The following UBE3C variants were observed in gnomAD, a reference collection of about 807,000 sequenced individuals.
UBE3C encodes ubiquitin protein ligase E3C.
A neutral mutation model predicts 129.4 loss-of-function variants in UBE3C; 42 were observed. That is an observed-to-expected ratio of 0.32 (90% confidence interval 0.25 to 0.42). The LOEUF (loss-of-function observed/expected upper bound fraction) is 0.42, where lower values mean the gene tolerates loss of function less well. Ranked by LOEUF, UBE3C falls within the 10% of genes least tolerant of loss-of-function variation. The pLI is 1.00. For synonymous variants in UBE3C, 510 were observed against 492.4 expected, an observed-to-expected ratio of 1.04 and a Z score of -0.47; for missense variants, 1,049 against 1,319.1, an observed-to-expected ratio of 0.80 and a Z score of 3.17.
intron 13 of UBE3C, among the ~76,000 whole-genome samples, chr7:157,211,151 CATT>C (rs960528452): frequency 1.4e-4 from 16 of 114,756 alleles, no homozygotes; most frequent in African/African-American, 5.8e-4. Context: ...CCCATGCCCT[CATT>C]ATCCATATGT....
intron 4 of UBE3C, among the ~76,000 whole-genome samples, chr7:157,173,572 C>T (rs938437933): frequency 3.9e-5 from 6 of 152,018 alleles, no homozygotes; most frequent in Non-Finnish European, 5.9e-5. Context: ...ATTTTTCTTA[C>T]GACTTTAAGT....
intron 11 of UBE3C, among the ~76,000 whole-genome samples, chr7:157,205,340 T>C (rs760029206): frequency 2.0e-4 from 30 of 152,152 alleles, no homozygotes; most frequent in Admixed American, 8.5e-4. Flanking sequence ...CCTGTCCCTT[T>C]TTTTTTTGGA....
intron 18 of UBE3C, among the ~76,000 whole-genome samples, chr7:157,235,506 C>A (rs1262872845): frequency 6.6e-6 from 1 of 152,154 alleles, no homozygotes; most frequent in Non-Finnish European, 1.5e-5. Flanking sequence ...AAACTCATTT[C>A]TCCTCTGTTT....
At chr7:157,177,415 G>A (rs1808548233) in intron 5 of UBE3C, among the ~76,000 whole-genome samples, 1 of 152,192 alleles carries the variant, frequency 6.6e-6, no homozygotes, top group Non-Finnish European at 1.5e-5. Context: ...TACATCCTAT[G>A]TTGTCTCTCA....
intron 18 of UBE3C, among the ~76,000 whole-genome samples, chr7:157,236,342 G>T (rs1249699687): frequency 2.0e-5 from 3 of 152,096 alleles, no homozygotes; most frequent in Admixed American, 2.0e-4. Flanking sequence ...ATTTGAAAAT[G>T]GCTTTTTTTC....
At chr7:157,151,035 G>A (rs918311408) in intron 1 of UBE3C, among the ~76,000 whole-genome samples, 11 of 152,220 alleles carry the variant, frequency 7.2e-5, no homozygotes, top group African/African-American at 2.4e-4. Context: ...AAGCTGCTGA[G>A]CAGACAGAGC....
chr7:157,238,049 AAAT>A (rs1351872284), intron 18 of UBE3C, among the ~76,000 whole-genome samples: 1 of 152,202 alleles, frequency 6.6e-6, no homozygotes, highest in African/African-American at 2.4e-5. Flanking sequence ...CCCTGTCTCA[AAAT>A]AATAATAAAA....
intron 1 of UBE3C, among the ~76,000 whole-genome samples, chr7:157,147,824 A>G (rs1807648687): frequency 6.6e-6 from 1 of 152,102 alleles, no homozygotes; most frequent in Non-Finnish European, 1.5e-5. Context: ...CAGCTTGTGG[A>G]TATGATGGAT....
rs1230112438 is a variant in UBE3C at position 157,138,952 on chromosome 7, T to C, written c.-321T>C. 1 of 151,932 alleles carries C rather than the reference T, an allele frequency of 6.6e-6. No homozygotes were observed. Among genetic ancestry groups the C allele is most frequent in the Non-Finnish European group, 1.5e-5 (1 of 68,088 alleles). The allele number at this position is 151,932 out of a possible 1,614,324, so 9.4% of individuals were successfully genotyped here. Reference sequence around the variant, plus strand: ...CACGCACTGACGGCTGACCGCCATCTTCCCTCCCGAGGCGGCAGTTCCAGG... The same window carrying C: ...CACGCACTGACGGCTGACCGCCATCCTCCCTCCCGAGGCGGCAGTTCCAGG... On this transcript the variant is annotated 5_prime_UTR_variant, in exon 1 of 23. Coordinates refer to ENST00000348165, the MANE Select transcript of UBE3C (RefSeq NM_014671.3).
chr7:157,193,004 G>A (rs1028554124), intron 10 of UBE3C, among the ~76,000 whole-genome samples: 4 of 152,142 alleles, frequency 2.6e-5, no homozygotes, highest in Admixed American at 1.3e-4. Context: ...AAAATCAGTT[G>A]CCAGTAAGAA....
intron 15 of UBE3C, chr7:157,222,933 G>T: frequency 3.9e-6 from 1 of 255,622 alleles, no homozygotes. Context: ...CCCACTGCTG[G>T]ATCTGGCTGC....
At chr7:157,236,522 A>G (rs1428503857) in intron 18 of UBE3C, among the ~76,000 whole-genome samples, 3 of 152,134 alleles carry the variant, frequency 2.0e-5, no homozygotes, top group African/African-American at 7.2e-5. Context: ...CTGTAGTGTA[A>G]TATTGGCACT....
intron 10 of UBE3C, among the ~76,000 whole-genome samples, chr7:157,190,516 G>A (rs1188838439): frequency 6.6e-6 from 1 of 152,120 alleles, no homozygotes; most frequent in Non-Finnish European, 1.5e-5. Flanking sequence ...GTGGCCAGGG[G>A]CTACCTTATT....
At chr7:157,261,590 G>C (rs998931905) in intron 22 of UBE3C, among the ~76,000 whole-genome samples, 9 of 152,164 alleles carry the variant, frequency 5.9e-5, no homozygotes, top group Non-Finnish European at 1.3e-4. Context: ...AGCTTAGTAT[G>C]CCTGGATTTG....
intron 1 of UBE3C, among the ~76,000 whole-genome samples, chr7:157,161,494 C>T (rs1454954694): frequency 6.6e-6 from 1 of 150,734 alleles, no homozygotes; most frequent in Non-Finnish European, 1.5e-5. Context: ...CTTTGTGACT[C>T]CAGCAAGAGT....
intron 4 of UBE3C, among the ~76,000 whole-genome samples, chr7:157,171,147 T>C (rs772281707): frequency 7.9e-5 from 12 of 151,762 alleles, no homozygotes; most frequent in Non-Finnish European, 1.3e-4. Context: ...ACTGAGGGAG[T>C]AGAGCCTTGC....
chr7:157,223,536 CTG>C (rs1243182940), intron 16 of UBE3C, among the ~76,000 whole-genome samples, 185 bp downstream of exon 16: 3 of 149,658 alleles, frequency 2.0e-5, no homozygotes, highest in African/African-American at 2.5e-5. Flanking sequence ...TTTTTACAAA[CTG>C]AAAGTATTTT....
intron 18 of UBE3C, among the ~76,000 whole-genome samples, chr7:157,242,272 G>A (rs1796351176): frequency 6.6e-6 from 1 of 152,214 alleles, no homozygotes; most frequent in African/African-American, 2.4e-5. Context: ...GCTGGAAGGA[G>A]TATAGTGATT....
intron 8 of UBE3C, among the ~76,000 whole-genome samples, chr7:157,183,290 C>T (rs1355462922): frequency 6.6e-6 from 1 of 152,216 alleles, no homozygotes; most frequent in East Asian, 1.9e-4. Flanking sequence ...ACCTATACTT[C>T]TGACCAACCT....
Sources: gnomAD v4.1 joint callset for allele counts (sites outside exome capture counted in the v4.1 genomes callset) on GRCh38, gnomAD v4.1.1 for gene constraint, MANE v1.5 for transcripts, NCBI Gene and HGNC (gene_info 2026-07-23, HGNC 2026-07-21) for gene names.